EBF2: variants seen among roughly 807,000 people sequenced by gnomAD.
The protein encoded by EBF2 is transcription factor COE2.
A neutral mutation model predicts 72.8 loss-of-function variants in EBF2; 21 were observed. The ratio of observed to expected loss-of-function variants is 0.29; its 90% CI spans 0.20 to 0.42. The LOEUF (loss-of-function observed/expected upper bound fraction) is 0.42, where lower values mean the gene tolerates loss of function less well. Among genes scored for constraint, EBF2 ranks in the 10% least tolerant of loss-of-function variants. The pLI is 1.00. For missense variants in EBF2, 637 were observed against 731.2 expected (o/e 0.87, Z 1.49); for synonymous variants, 299 against 274.2 (o/e 1.09, Z -0.89).
chr8:25,891,179 C>T (rs11783974), intron 7 of EBF2, among the ~76,000 whole-genome samples: 66,710 of 151,896 alleles, frequency 0.44, 16,387 homozygotes, highest in East Asian at 0.72. Flanking sequence ...GGTATCAAAT[C>T]GAGCTCCAGC....
intron 6 of EBF2, among the ~76,000 whole-genome samples, chr8:25,933,846 T>G (rs1803526844): frequency 6.6e-6 from 1 of 152,126 alleles, no homozygotes; most frequent in Non-Finnish European, 1.5e-5. Flanking sequence ...CAGAGAGAGA[T>G]AAGAGACAAA....
intron 6 of EBF2, among the ~76,000 whole-genome samples, chr8:25,986,799 G>C (rs1408239087): frequency 2.0e-5 from 3 of 152,198 alleles, no homozygotes; most frequent in African/African-American, 7.2e-5. Flanking sequence ...AAGCTGAATG[G>C]ATAAGAATAG....
chr8:26,043,496 G>T (rs930739966), intron 1 of EBF2, among the ~76,000 whole-genome samples: 1 of 152,202 alleles, frequency 6.6e-6, no homozygotes, highest in Admixed American at 6.5e-5. Flanking sequence ...CCCTTAGCTC[G>T]CAGGCGGGCC....
At chr8:25,919,822 C>T (rs1803279601) in intron 6 of EBF2, among the ~76,000 whole-genome samples, 1 of 152,154 alleles carries the variant, frequency 6.6e-6, no homozygotes, top group Admixed American at 6.5e-5. Flanking sequence ...AACCCAGCAA[C>T]CTCCTGGGGC....
chr8:25,980,526 C>A (rs572412206), intron 6 of EBF2, among the ~76,000 whole-genome samples: 1 of 152,254 alleles, frequency 6.6e-6, no homozygotes, highest in Admixed American at 6.5e-5. Flanking sequence ...CCTCCACCAT[C>A]AAAAATTCAT....
intron 10 of EBF2, among the ~76,000 whole-genome samples, chr8:25,873,465 C>T (rs192347273): frequency 6.6e-6 from 1 of 152,214 alleles, no homozygotes; most frequent in East Asian, 1.9e-4. Context: ...TCCCCACATC[C>T]ATTTGTTTTA....
chr8:25,886,926 C>A, intron 9 of EBF2, 45 bp from the exon 10 acceptor site: 3 of 1,600,580 alleles, frequency 1.9e-6, no homozygotes, highest in South Asian at 1.1e-5. Context: ...ATTAGACAAG[C>A]CATCACCAAG....
intron 6 of EBF2, among the ~76,000 whole-genome samples, chr8:25,945,204 T>G (rs1283184149): frequency 6.9e-6 from 1 of 145,878 alleles, no homozygotes; most frequent in African/African-American, 2.5e-5. Flanking sequence ...GCTCCCCCAA[T>G]TTTTCAGTAT....
rs117890933 is a variant in EBF2, at chr8:26,006,991, T to C, written c.551+26094A>G. 5.9e-3 allele frequency among the ~76,000 whole-genome samples: 893 copies of C among 152,304 alleles called. 6 individuals are homozygous for C. The highest frequency in any genetic ancestry group is 0.017 in the South Asian group (81 of 4,828). ...TACCTCAACAGAAGGGATAAATAAG[T>C]TATTCGGTTACTGAAGGAGCAGGCC... On this transcript the variant is annotated intron_variant, in intron 6 of 15. Coordinates refer to ENST00000520164, the MANE Select transcript of EBF2 (RefSeq NM_022659.4).
chr8:25,993,003 G>T (rs2117211742), intron 6 of EBF2, among the ~76,000 whole-genome samples: 1 of 152,268 alleles, frequency 6.6e-6, no homozygotes, highest in South Asian at 2.1e-4. Context: ...TGTGTGCTGA[G>T]TTGATCCACC....
At chr8:25,978,773 G>A (rs1327040972) in intron 6 of EBF2, among the ~76,000 whole-genome samples, 3 of 152,224 alleles carry the variant, frequency 2.0e-5, no homozygotes, top group Non-Finnish European at 4.4e-5. Context: ...TGTCATTGCA[G>A]TTAATCAGAA....
intron 6 of EBF2, among the ~76,000 whole-genome samples, chr8:26,004,901 A>G (rs930596924): frequency 3.9e-5 from 6 of 151,942 alleles, no homozygotes; most frequent in Non-Finnish European, 5.9e-5. Context: ...TCCATAAAAT[A>G]GAGTCTATTC....
At chr8:26,040,207 G>T in intron 4 of EBF2, 106 bp from the exon 5 acceptor site, 1 of 1,215,764 alleles carries the variant, frequency 8.2e-7, no homozygotes, top group Non-Finnish European at 1.2e-6. Context: ...CCCACTACCT[G>T]CCACCGCATT....
At chr8:25,848,255 A>C (rs17054467) in intron 15 of EBF2, among the ~76,000 whole-genome samples, 1 of 152,134 alleles carries the variant, frequency 6.6e-6, no homozygotes, top group African/African-American at 2.4e-5. Flanking sequence ...GACTCTAGAA[A>C]TGAAGCTAGA....
chr8:26,005,561 T>TAGAGAGAGAGAGAGAG (rs1554481009), intron 6 of EBF2, among the ~76,000 whole-genome samples: 4,849 of 63,808 alleles, frequency 0.076, 333 homozygotes, highest in Middle Eastern at 0.12. Context: ...TATATATATA[T>TAGAGAGAGAGAGAGAG]AGAGAGAGAG....
chr8:25,848,547 G>T (rs1801889085), intron 15 of EBF2, among the ~76,000 whole-genome samples: 1 of 152,142 alleles, frequency 6.6e-6, no homozygotes, highest in African/African-American at 2.4e-5. Flanking sequence ...GGGATGACAG[G>T]CCCTGGGAGT....
chr8:26,029,835 G>A (rs564732465), intron 6 of EBF2, among the ~76,000 whole-genome samples: 5 of 152,268 alleles, frequency 3.3e-5, no homozygotes, highest in South Asian at 2.1e-4. Context: ...GAGACCAGAC[G>A]CAAGGCTGAT....
chr8:25,981,443 A>G (rs1008447576), intron 6 of EBF2, among the ~76,000 whole-genome samples: 4 of 151,870 alleles, frequency 2.6e-5, no homozygotes, highest in Admixed American at 2.0e-4. Flanking sequence ...GGATAGGGCA[A>G]TGGAAGTGGG....
intron 6 of EBF2, among the ~76,000 whole-genome samples, chr8:25,931,321 T>C (rs1326621375): frequency 3.3e-5 from 5 of 152,182 alleles, no homozygotes; most frequent in African/African-American, 1.2e-4. Context: ...TTAATATTAA[T>C]ATAAGCACCT....
Sources: allele counts gnomAD v4.1 joint callset (sites outside exome capture counted in the v4.1 genomes callset), GRCh38; gene constraint gnomAD v4.1.1; transcripts MANE v1.5; gene names NCBI Gene and HGNC (gene_info 2026-07-23, HGNC 2026-07-21).